The following ERICH2 variants were observed in gnomAD, a reference collection of about 807,000 sequenced individuals.
ERICH2 encodes glutamate-rich protein 2.
In ERICH2, 17 loss-of-function variants were observed where a neutral mutation model predicts 17.4. The ratio of observed to expected loss-of-function variants is 0.98; its 90% CI spans 0.67 to 1.47. ERICH2 has a LOEUF of 1.47. ERICH2 is among the 40% of genes most tolerant of loss of function. ERICH2 has a pLI of 0.00. For missense variants in ERICH2, 186 were observed against 183.2 expected, an observed-to-expected ratio of 1.01 and a Z score of -0.09; for synonymous variants, 51 against 61.1, an observed-to-expected ratio of 0.83 and a Z score of 0.77.
chr2:170,798,263 G>C (rs2287110), intron 4 of ERICH2, among the ~76,000 whole-genome samples, 151 bp downstream of exon 9: 104,269 of 151,998 alleles, frequency 0.69, 35,884 homozygotes, highest in East Asian at 0.79. Context: ...GAAACAGCTT[G>C]TCCTCTGTGG....
At position 170,787,209 on chromosome 2, in the gene ERICH2, C is replaced by T. The variant is rs376721018; in HGVS notation, c.216+2376C>T. On this transcript the variant is annotated intron_variant, in intron 2 of 4. Coordinates refer to ENST00000409885, the Ensembl canonical transcript of ERICH2. ...TGGGGACTACAGGTGCACACCACCACACCTGGTACCTGGCAATTATTTACT... is the reference window on the plus strand; with the variant it reads ...TGGGGACTACAGGTGCACACCACCATACCTGGTACCTGGCAATTATTTACT... 2.5e-4 allele frequency among the ~76,000 whole-genome samples: 38 copies of T among 152,290 alleles called. 1 individual carries two copies. In the East Asian group the frequency reaches 3.9e-3, roughly 15 times the overall value.
At chr2:170,783,577 CACAA>C (rs1701079200), upstream of ERICH2, among the ~76,000 whole-genome samples, 1 of 152,042 alleles carries the variant, frequency 6.6e-6, no homozygotes, top group South Asian at 2.1e-4. Flanking sequence ...AAAATAAAAA[CACAA>C]ACACATAAGT....
intron 4 of ERICH2, among the ~76,000 whole-genome samples, chr2:170,798,429 C>T (rs1295545281): frequency 6.6e-6 from 1 of 152,182 alleles, no homozygotes; most frequent in African/African-American, 2.4e-5. Flanking sequence ...CACACCCTCT[C>T]AATTACCTTG....
chr2:170,783,777 C>T (rs1449667270), upstream of ERICH2: 11 of 1,549,430 alleles, frequency 7.1e-6, no homozygotes. Flanking sequence ...TTGGTGACAT[C>T]AGTGCATTGA....
At chr2:170,782,463 A>C, upstream of ERICH2, 1 of 673,934 alleles carries the variant, frequency 1.5e-6, no homozygotes, top group Non-Finnish European at 1.8e-6. Context: ...GACCTTTGGG[A>C]ACTGACAACT....
intron 3 of ERICH2, among the ~76,000 whole-genome samples, chr2:170,796,426 TTG>T (rs1474427752): frequency 3.7e-4 from 3 of 8,088 alleles, no homozygotes; most frequent in African/African-American, 3.3e-4. Context: ...CTCTCTCTCT[TTG>T]TTTTTTTTTT....
chr2:170,780,028 G>A (rs17751234), upstream of ERICH2: 43,897 of 175,548 alleles, frequency 0.25, 6,112 homozygotes, highest in South Asian at 0.33. Flanking sequence ...ACATGCTGAG[G>A]AAAAAATTCT....
intron 3 of ERICH2, among the ~76,000 whole-genome samples, chr2:170,797,705 T>TC (rs1320425278): frequency 2.7e-5 from 4 of 148,334 alleles, no homozygotes; most frequent in Non-Finnish European, 4.4e-5. Context: ...GGCACGAGAA[T>TC]CACTTGAACC....
chr2:170,777,995 T>TA, the ERICH2 span: 2 of 259,012 alleles, frequency 7.7e-6, no homozygotes, highest in Non-Finnish European at 1.4e-5. Context: ...CTTTGATACT[T>TA]ATTTCTTTCA....
At chr2:170,776,118 C>A in the ERICH2 span, among the ~76,000 whole-genome samples, 2 of 151,736 alleles carry the variant, frequency 1.3e-5, no homozygotes, top group African/African-American at 2.4e-5. Flanking sequence ...TGAAATTTAT[C>A]CAGATATATA....
upstream of ERICH2, among the ~76,000 whole-genome samples, chr2:170,781,664 T>TC (rs1461404332): frequency 9.8e-6 from 1 of 101,532 alleles, no homozygotes; most frequent in Non-Finnish European, 2.5e-5. Flanking sequence ...GGGTTTTTTT[T>TC]CCCACAAGCA....
upstream of ERICH2, among the ~76,000 whole-genome samples, chr2:170,779,472 C>A (rs1700978836): frequency 6.6e-6 from 1 of 152,098 alleles, no homozygotes; most frequent in Non-Finnish European, 1.5e-5. Context: ...TTTCTTTTTC[C>A]TTAGAAATCC....
At chr2:170,778,779 G>A in the ERICH2 span, among the ~76,000 whole-genome samples, 1 of 152,110 alleles carries the variant, frequency 6.6e-6, no homozygotes, top group Non-Finnish European at 1.5e-5. Context: ...AATAGTAATA[G>A]AAGTTACTAG....
intron 3 of ERICH2, 121 bp downstream of exon 8, chr2:170,793,041 A>G (rs1701328384): frequency 2.0e-6 from 1 of 506,324 alleles, no homozygotes; most frequent in Non-Finnish European, 3.5e-6. Context: ...TGTCTCAGTG[A>G]TTCCTTGATA....
chr2:170,777,932 C>G, the ERICH2 span: 1 of 361,162 alleles, frequency 2.8e-6, no homozygotes, highest in Non-Finnish European at 4.9e-6. Context: ...CTTAAACACC[C>G]TGTATTCTGT....
In ERICH2 at chr2:170,798,127, T is replaced by G; in HGVS notation, c.346+15T>G. ...GTTGCTGATGGGTAATTTTAAAAATTGAAATTCCTTGTTTCTCATAGAACT... is the reference window on the plus strand; with the variant it reads ...GTTGCTGATGGGTAATTTTAAAAATGGAAATTCCTTGTTTCTCATAGAACT... On this transcript the variant is annotated intron_variant, in intron 4 of 4. Coordinates refer to ENST00000409885, the Ensembl canonical transcript of ERICH2. 1 of 1,483,908 alleles carries G rather than the reference T, an allele frequency of 6.7e-7. No individual in the cohort carries two copies. Among genetic ancestry groups the G allele is most frequent in the Non-Finnish European group, 9.2e-7 (1 of 1,086,670 alleles). The allele number at this position is 1,483,908 out of a possible 1,614,324, so 91.9% of individuals were successfully genotyped here.
At chr2:170,797,619 G>GA (rs1701460706) in intron 3 of ERICH2, among the ~76,000 whole-genome samples, 1 of 151,940 alleles carries the variant, frequency 6.6e-6, no homozygotes, top group Non-Finnish European at 1.5e-5. Context: ...GCAACATGGT[G>GA]AAACCCTGTC....
At chr2:170,794,308 A>G (rs1310047880) in intron 3 of ERICH2, among the ~76,000 whole-genome samples, 11 of 151,578 alleles carry the variant, frequency 7.3e-5, no homozygotes. Context: ...GGGTTTTACC[A>G]TGTTGGCCAG....
chr2:170,782,835 C>T (rs1420535060), upstream of ERICH2, among the ~76,000 whole-genome samples: 1 of 152,200 alleles, frequency 6.6e-6, no homozygotes, highest in Non-Finnish European at 1.5e-5. Flanking sequence ...ACTCTCAGCA[C>T]TTTGGGAGAC....
Sources: allele counts gnomAD v4.1 joint callset (sites outside exome capture counted in the v4.1 genomes callset), GRCh38; gene constraint gnomAD v4.1.1; transcripts MANE v1.5; gene names NCBI Gene and HGNC (gene_info 2026-07-23, HGNC 2026-07-21).